The following AMPH variants were observed in gnomAD, a reference collection of about 807,000 sequenced individuals.
AMPH encodes amphiphysin (Stiff-Mann syndrome with breast cancer 128kD autoantigen).
In AMPH, 49 loss-of-function variants were observed where a neutral mutation model predicts 99.1. The ratio of observed to expected loss-of-function variants is 0.49; its 90% CI spans 0.39 to 0.63. The LOEUF is 0.63. Ranked by LOEUF, AMPH falls within the 20% of genes least tolerant of loss-of-function variation. AMPH has a pLI of 0.00. For synonymous variants in AMPH, 314 were observed against 317.3 expected, an observed-to-expected ratio of 0.99 and a Z score of 0.11; for missense variants, 759 against 863.4, an observed-to-expected ratio of 0.88 and a Z score of 1.52.
rs189721110 is a variant in AMPH, at chr7:38,414,235, T to A, written c.1398+3590A>T. ...TTTAAATTGGTCTTGACAAGTTTAGTGGTAAAATTTTTAAAAAACAAAACA... is the reference window on the plus strand; with the variant it reads ...TTTAAATTGGTCTTGACAAGTTTAGAGGTAAAATTTTTAAAAAACAAAACA... On this transcript the variant is annotated intron_variant, in intron 17 of 20. Coordinates refer to ENST00000356264, the MANE Select transcript of AMPH (RefSeq NM_001635.4). Among the ~76,000 whole-genome samples, 699 of 152,330 alleles carry A rather than the reference T, an allele frequency of 4.6e-3. 4 individuals carry two copies. The highest frequency in any genetic ancestry group is 0.01 in the Middle Eastern group (3 of 292).
At chr7:38,621,250 T>C (rs987426224) in intron 1 of AMPH, among the ~76,000 whole-genome samples, 19 of 152,252 alleles carry the variant, frequency 1.2e-4, no homozygotes, top group African/African-American at 4.6e-4. Context: ...AACTGAACTG[T>C]ATTTTTATCA....
chr7:38,610,234 CAAAAAAAAAAAAAAA>C (rs544036143), intron 1 of AMPH, among the ~76,000 whole-genome samples: 313 of 6,114 alleles, frequency 0.051, 23 homozygotes, highest in South Asian at 0.071. Flanking sequence ...TAAGCTCTCT[CAAAAAAAAAAAAAAA>C]AAAAAAAAAA....
At chr7:38,556,121 A>G (rs1490564800) in intron 1 of AMPH, among the ~76,000 whole-genome samples, 1 of 152,176 alleles carries the variant, frequency 6.6e-6, no homozygotes, top group Non-Finnish European at 1.5e-5. Flanking sequence ...AATAAATAAA[A>G]TAAATATTAA....
chr7:38,596,068 G>A (rs929786316), intron 1 of AMPH, among the ~76,000 whole-genome samples: 6 of 152,138 alleles, frequency 3.9e-5, no homozygotes, highest in Admixed American at 3.3e-4. Flanking sequence ...TTTCACTGGG[G>A]TATATACCCA....
chr7:38,447,763 CA>C (rs1786846979), intron 11 of AMPH, among the ~76,000 whole-genome samples: 1 of 146,622 alleles, frequency 6.8e-6, no homozygotes, highest in Non-Finnish European at 1.5e-5. Flanking sequence ...CACACACACA[CA>C]CACACACACA....
intron 1 of AMPH, among the ~76,000 whole-genome samples, chr7:38,538,380 T>C (rs1262442163): frequency 6.6e-6 from 1 of 152,200 alleles, no homozygotes; most frequent in Non-Finnish European, 1.5e-5. Context: ...AATAACAGGC[T>C]GCATTCTAGG....
chr7:38,505,442 T>A (rs931856447), intron 2 of AMPH, among the ~76,000 whole-genome samples: 1 of 152,190 alleles, frequency 6.6e-6, no homozygotes, highest in South Asian at 2.1e-4. Flanking sequence ...TCAAACAGAA[T>A]GGTTCTATTC....
At chr7:38,616,512 G>GT (rs760612556) in intron 1 of AMPH, among the ~76,000 whole-genome samples, 21 of 152,110 alleles carry the variant, frequency 1.4e-4, no homozygotes, top group Non-Finnish European at 2.6e-4. Context: ...TAAATAAGTG[G>GT]TTTTTTCTAC....
intron 1 of AMPH, among the ~76,000 whole-genome samples, chr7:38,574,041 C>T (rs1156737432): frequency 6.6e-6 from 1 of 152,168 alleles, no homozygotes; most frequent in Non-Finnish European, 1.5e-5. Flanking sequence ...AAACACAATG[C>T]CATGCTGCCT....
At chr7:38,390,012 T>C (rs960318114) in intron 19 of AMPH, 107 bp from the exon 20 acceptor site, 1 of 886,798 alleles carries the variant, frequency 1.1e-6, no homozygotes, top group Admixed American at 2.0e-5. Flanking sequence ...ATATTTGCCA[T>C]ATCCCAAGGA....
At chr7:38,587,615 C>A (rs1792702624) in intron 1 of AMPH, among the ~76,000 whole-genome samples, 1 of 152,122 alleles carries the variant, frequency 6.6e-6, no homozygotes, top group Non-Finnish European at 1.5e-5. Context: ...GAACTTAATT[C>A]TTTGAAGAAA....
At chr7:38,416,726 G>C (rs1294793838) in intron 17 of AMPH, among the ~76,000 whole-genome samples, 1 of 152,150 alleles carries the variant, frequency 6.6e-6, no homozygotes, top group African/African-American at 2.4e-5. Context: ...TGTCTGCATG[G>C]ACTTGCTGAA....
intron 11 of AMPH, among the ~76,000 whole-genome samples, chr7:38,444,193 G>C (rs576911958): frequency 1.3e-5 from 2 of 152,240 alleles, no homozygotes; most frequent in South Asian, 4.1e-4. Flanking sequence ...CATTAATAAA[G>C]GGAGAGATAT....
At chr7:38,429,396 G>A (rs1291344561) in intron 14 of AMPH, 1 of 1,291,628 alleles carries the variant, frequency 7.7e-7, no homozygotes, top group Admixed American at 2.3e-5. Flanking sequence ...GGAGGGACAT[G>A]CAGAGTCTTC....
At chr7:38,435,337 CT>C (rs1786220535) in intron 12 of AMPH, among the ~76,000 whole-genome samples, 3 of 152,140 alleles carry the variant, frequency 2.0e-5, no homozygotes. Context: ...CATTTATTCC[CT>C]AGCAGTTTAC....
chr7:38,559,496 A>G (rs73124278), intron 1 of AMPH, among the ~76,000 whole-genome samples: 1 of 152,304 alleles, frequency 6.6e-6, no homozygotes, highest in Non-Finnish European at 1.5e-5. Flanking sequence ...ATAGGCTCAC[A>G]TGACCAGCTG....
chr7:38,569,244 TTATC>T (rs996001290), intron 1 of AMPH, among the ~76,000 whole-genome samples: 1 of 152,068 alleles, frequency 6.6e-6, no homozygotes, highest in Admixed American at 6.6e-5. Context: ...TACTCTCATC[TTATC>T]TTTTTCTACT....
At chr7:38,454,375 C>T (rs1405577926) in intron 11 of AMPH, among the ~76,000 whole-genome samples, 1 of 152,106 alleles carries the variant, frequency 6.6e-6, no homozygotes, top group Non-Finnish European at 1.5e-5. Flanking sequence ...ACTGCATTAG[C>T]ACCTCTTGTA....
At chr7:38,536,452 C>A (rs1013577693) in intron 1 of AMPH, among the ~76,000 whole-genome samples, 2 of 152,286 alleles carry the variant, frequency 1.3e-5, no homozygotes, top group East Asian at 1.9e-4. Context: ...CAGATTTCTT[C>A]AAGAGGTCAA....
Sources: allele counts gnomAD v4.1 joint callset (sites outside exome capture counted in the v4.1 genomes callset), GRCh38; gene constraint gnomAD v4.1.1; transcripts MANE v1.5; gene names NCBI Gene and HGNC (gene_info 2026-07-23, HGNC 2026-07-21).